The following ALG9 variants were observed in gnomAD, a reference collection of about 807,000 sequenced individuals.
ALG9 encodes ALG9 alpha-1,2-mannosyltransferase.
In ALG9, 55 loss-of-function variants were observed where a neutral mutation model predicts 81.8. The observed-to-expected ratio is 0.67, with a 90% CI of 0.54 to 0.84. The LOEUF is 0.84. Ranked by LOEUF, ALG9 falls within the 40% of genes least tolerant of loss-of-function variation. The probability of loss-of-function intolerance (pLI) is 0.00; values close to 1 mark genes in which losing one functional copy is unlikely to be tolerated. For missense variants in ALG9, 629 were observed against 745.0 expected, an observed-to-expected ratio of 0.84 and a Z score of 1.81; for synonymous variants, 278 against 274.3, an observed-to-expected ratio of 1.01 and a Z score of -0.13.
chr11:111,867,250 G>A (rs965723123), intron 3 of ALG9, among the ~76,000 whole-genome samples: 1 of 152,162 alleles, frequency 6.6e-6, no homozygotes, highest in African/African-American at 2.4e-5. Context: ...TGAAAACCTT[G>A]CAGTGGCTTT....
chr11:111,835,002 T>C (rs1192701563), intron 13 of ALG9, among the ~76,000 whole-genome samples: 2 of 152,170 alleles, frequency 1.3e-5, no homozygotes, highest in Non-Finnish European at 2.9e-5. Flanking sequence ...GCTCATACAA[T>C]AAGAATCTCA....
At chr11:111,851,119 G>A (rs936119478) in intron 8 of ALG9, among the ~76,000 whole-genome samples, 9 of 152,084 alleles carry the variant, frequency 5.9e-5, no homozygotes, top group African/African-American at 9.7e-5. Context: ...AATTAGCACC[G>A]TAAACTTAAA....
chr11:111,820,640 A>T (rs1347890305), intron 13 of ALG9, among the ~76,000 whole-genome samples: 1 of 152,186 alleles, frequency 6.6e-6, no homozygotes, highest in Non-Finnish European at 1.5e-5. Context: ...TCAAATTCCC[A>T]ATTGGTATTT....
rs145053549 is a variant in ALG9, at chr11:111,854,682, G to A, written c.702-946C>T. ...ACCTCCATGTTGTTATGTAAATTCC[G>A]TATAACATTTTGCGTTTTTATTTTT... On this transcript the variant is annotated intron_variant, in intron 6 of 14. Coordinates refer to ENST00000616540, the MANE Select transcript of ALG9 (RefSeq NM_024740.2). Among the ~76,000 whole-genome samples, 28 of 152,262 alleles carry A rather than the reference G, an allele frequency of 1.8e-4. No individual in the cohort carries two copies. The East Asian group carries it at 4.1e-3, about 22-fold the overall frequency.
chr11:111,775,284 T>G, the ALG9 span, among the ~76,000 whole-genome samples: 1 of 152,182 alleles, frequency 6.6e-6, no homozygotes, highest in Non-Finnish European at 1.5e-5. Flanking sequence ...CTTCCTTTTC[T>G]GATCTACTCA....
chr11:111,820,728 G>A (rs1226044834), intron 13 of ALG9, among the ~76,000 whole-genome samples: 3 of 152,174 alleles, frequency 2.0e-5, no homozygotes, highest in African/African-American at 7.2e-5. Context: ...CTTTCTGCAT[G>A]TAAAGAAGTT....
intron 9 of ALG9, among the ~76,000 whole-genome samples, chr11:111,842,230 T>C (rs149645628): frequency 2.0e-5 from 3 of 152,002 alleles, no homozygotes; most frequent in Admixed American, 6.5e-5. Context: ...AGAAAATAAA[T>C]CCACTTATTG....
At chr11:111,861,472 C>T (rs896661272) in intron 4 of ALG9, among the ~76,000 whole-genome samples, 3 of 152,134 alleles carry the variant, frequency 2.0e-5, no homozygotes, top group Non-Finnish European at 2.9e-5. Context: ...CTTTCTTCCC[C>T]TCCTCCTCCC....
intron 13 of ALG9, chr11:111,817,575 C>G (rs1951689978): frequency 6.6e-6 from 1 of 152,166 alleles, no homozygotes; most frequent in Non-Finnish European, 1.5e-5. Context: ...ACCTCAGCCT[C>G]CTAAGTAGCT....
intron 13 of ALG9, among the ~76,000 whole-genome samples, chr11:111,827,525 A>C (rs1953553578): frequency 6.6e-6 from 1 of 152,150 alleles, no homozygotes; most frequent in Non-Finnish European, 1.5e-5. Context: ...TGAATGGCTG[A>C]ATCAACCAAC....
In ALG9 at chr11:111,782,755, A is replaced by C. The variant is rs1946053356; in HGVS notation, c.*3642T>G. Reference sequence around the variant, plus strand: ...CCACTGGAGCTTTGCCCAAATGGTCACCGTAGACCTCATGCTGCAGAATCA... The same window carrying C: ...CCACTGGAGCTTTGCCCAAATGGTCCCCGTAGACCTCATGCTGCAGAATCA... On this transcript the variant is annotated 3_prime_UTR_variant, in exon 15 of 15. Transcript: ENST00000616540. The C allele has an allele frequency of 6.6e-6, 1 of 152,216 alleles. No individual in the cohort carries two copies. The highest frequency in any genetic ancestry group is 2.4e-5 in the African/African-American group (1 of 41,456). 9.4% of individuals were successfully genotyped at this position (152,216 alleles called of 1,614,324 possible).
chr11:111,858,470 T>A (rs1959059974), intron 5 of ALG9, among the ~76,000 whole-genome samples: 1 of 152,226 alleles, frequency 6.6e-6, no homozygotes, highest in Non-Finnish European at 1.5e-5. Flanking sequence ...GGTCCTAACC[T>A]CTAGCCCCGG....
intron 4 of ALG9, chr11:111,864,548 C>T (rs1961608824): frequency 1.6e-6 from 1 of 621,816 alleles, no homozygotes; most frequent in African/African-American, 1.8e-5. Flanking sequence ...TGTACAAAAG[C>T]TTATCCCTGT....
chr11:111,789,690 C>T (rs1271072019), intron 14 of ALG9, among the ~76,000 whole-genome samples: 4 of 151,018 alleles, frequency 2.6e-5, no homozygotes, highest in Non-Finnish European at 4.4e-5. Context: ...AAAATAACAG[C>T]GCGCCTGTAA....
At chr11:111,806,398 ATGGACAGT>A (rs1397314122) in intron 14 of ALG9, among the ~76,000 whole-genome samples, 21 of 152,298 alleles carry the variant, frequency 1.4e-4, no homozygotes, top group African/African-American at 5.1e-4. Context: ...GCCAATTCTA[ATGGACAGT>A]TGTTATTCTT....
chr11:111,826,994 C>G (rs1953430564), intron 13 of ALG9, among the ~76,000 whole-genome samples: 1 of 152,146 alleles, frequency 6.6e-6, no homozygotes, highest in South Asian at 2.1e-4. Flanking sequence ...TAATTTCTAG[C>G]AGCTCTTATT....
intron 13 of ALG9, among the ~76,000 whole-genome samples, chr11:111,829,449 GAACA>G (rs1403957682): frequency 6.6e-6 from 1 of 152,102 alleles, no homozygotes; most frequent in African/African-American, 2.4e-5. Flanking sequence ...CTTTAGAGAA[GAACA>G]AATAAGCACC....
Position 111,840,694 on chromosome 11 carries a change from A to T in ALG9, c.1134T>A (p.Leu378=), listed in dbSNP as rs1375163899. 2.5e-6 allele frequency: 4 copies of T among 1,614,022 alleles called. No individual in the cohort carries two copies. The Admixed American group carries it at 6.7e-5, about 27-fold the overall frequency. The stretch of plus-strand genomic sequence containing the variant: ...GAGCCACAGCGCCACAGAGACATAT[A>T]AGTGGATACACAGGGAAAAGAAATC... ...EERFLFPVYP[L]ICLCGAVALS... The change falls in exon 10 of 15, where the codon CTT becomes CTA. Residue 378 remains leucine, a synonymous_variant. Transcript: ENST00000616540.
At chr11:111,774,069 TAAAAAA>T in the ALG9 span, among the ~76,000 whole-genome samples, 716 of 69,722 alleles carry the variant, frequency 0.01, 7 homozygotes, top group African/African-American at 0.039. Flanking sequence ...CATATCTTAT[TAAAAAA>T]AAAAAAAAAA....
Sources: gnomAD v4.1 joint callset for allele counts (sites outside exome capture counted in the v4.1 genomes callset) on GRCh38, gnomAD v4.1.1 for gene constraint, MANE v1.5 for transcripts, NCBI Gene and HGNC (gene_info 2026-07-23, HGNC 2026-07-21) for gene names.